The following UTP6 variants were observed in gnomAD, a reference collection of about 807,000 sequenced individuals.
UTP6 encodes U3 small nucleolar RNA-associated protein 6 homolog.
Under a neutral mutation model 96.5 loss-of-function variants are expected in UTP6, and 60 were observed. That is an observed-to-expected ratio of 0.62 (90% CI 0.51 to 0.77). The LOEUF (loss-of-function observed/expected upper bound fraction) is 0.77. Among genes scored for constraint, UTP6 ranks in the 30% least tolerant of loss-of-function variants. UTP6 has a pLI of 0.00. For missense variants in UTP6, 637 were observed against 706.5 expected, an observed-to-expected ratio of 0.90 and a Z score of 1.12; for synonymous variants, 215 against 240.1, an observed-to-expected ratio of 0.90 and a Z score of 0.96.
chr17:31,872,143 C>T (rs745364747), intron 16 of UTP6, among the ~76,000 whole-genome samples: 10 of 149,452 alleles, frequency 6.7e-5, no homozygotes, highest in Admixed American at 6.0e-4. Flanking sequence ...TGCAGTGAGC[C>T]GAGACTGTAC....
Position 31,875,257 on chromosome 17 carries a change from C to T in UTP6, c.1282G>A (p.Ala428Thr). The T allele has an allele frequency of 3.1e-6, 5 of 1,614,064 alleles. No individual in the cohort carries two copies. Among genetic ancestry groups the T allele is most frequent in the Non-Finnish European group, 4.2e-6 (5 of 1,180,006 alleles). Residue 428 changes from alanine to threonine, a missense_variant, in exon 14 of 19, where the codon GCC becomes ACC. Coordinates refer to ENST00000261708, the MANE Select transcript of UTP6 (RefSeq NM_018428.3). ...ACCTGGGGTTTCAGGTGCACAAAGG[C>T]TTCTTCAAAAAGCATGGCTATGTCA... is the stretch of plus-strand genomic sequence containing the variant. The part of the protein sequence containing the change: ...SPDIAMLFEE[A>T]FVHLKPQVCL...
rs1401672977 is a variant in UTP6 at position 31,901,566 on chromosome 17, C to T, written c.62G>A (p.Arg21His). ...DRLPELEQLE[R>H]IGLFSHAEIK... ...CTCCGCATGACTGAACAGTCCAATG[C>T]GCTCCAGCTGTTCCAATTCCGGGAG... The change falls in exon 1 of 19, where the codon CGC becomes CAC. Residue 21 changes from arginine to histidine, a missense_variant. Physicochemically the swap from Arg to His is conservative, Grantham distance 29. Coordinates refer to ENST00000261708, the MANE Select transcript of UTP6 (RefSeq NM_018428.3). The T allele has an allele frequency of 1.2e-6, 2 of 1,614,054 alleles. No individual in the cohort carries two copies. Among genetic ancestry groups the T allele is most frequent in the South Asian group, 2.2e-5 (2 of 91,078 alleles).
At chr17:31,889,701 T>C (rs945271471) in intron 6 of UTP6, among the ~76,000 whole-genome samples, 10 of 151,960 alleles carry the variant, frequency 6.6e-5, no homozygotes, top group Non-Finnish European at 1.5e-4. Context: ...GGTTTCACCA[T>C]GTTAGCCAGG....
chr17:31,893,983 T>C (rs1307242091), intron 4 of UTP6, among the ~76,000 whole-genome samples: 1 of 151,622 alleles, frequency 6.6e-6, no homozygotes, highest in Non-Finnish European at 1.5e-5. Flanking sequence ...ATACTTCTCA[T>C]ATAATATACC....
rs188430855 is a variant in UTP6, at chr17:31,892,139, G to A, written c.424+121C>T. On this transcript the variant is annotated intron_variant, in intron 6 of 18. Transcript: ENST00000261708. ...GCTATTCAGTAAGAAAAACTGCTGAGGCCAACTGCCTAAGCTCAAGTCCTC... is the reference window on the plus strand; with the variant it reads ...GCTATTCAGTAAGAAAAACTGCTGAAGCCAACTGCCTAAGCTCAAGTCCTC... 64 of 1,057,484 alleles carry A rather than the reference G, an allele frequency of 6.1e-5. 1 individual carries two copies. The East Asian group carries it at 1.6e-3, about 26-fold the overall frequency. 65.5% of individuals were successfully genotyped at this position (1,057,484 alleles called of 1,614,324 possible).
chr17:31,884,325 G>T, intron 10 of UTP6, 99 bp downstream of exon 10: 2 of 944,184 alleles, frequency 2.1e-6, no homozygotes, highest in Non-Finnish European at 3.1e-6. Flanking sequence ...CAGGGATTTA[G>T]TGTGGTATCT....
intron 1 of UTP6, 83 bp downstream of exon 1, chr17:31,901,453 G>A: frequency 1.6e-6 from 2 of 1,276,874 alleles, no homozygotes; most frequent in Non-Finnish European, 2.3e-6. Context: ...CAGGTCGAGC[G>A]TCCCCACATC....
At chr17:31,886,285 G>A (rs1245203851) in intron 8 of UTP6, among the ~76,000 whole-genome samples, 1 of 152,124 alleles carries the variant, frequency 6.6e-6, no homozygotes, top group Non-Finnish European at 1.5e-5. Flanking sequence ...AGATCACATG[G>A]CTTAAGGCCT....
chr17:31,897,669 G>A (rs569654191), intron 2 of UTP6, among the ~76,000 whole-genome samples: 6 of 151,888 alleles, frequency 4.0e-5, no homozygotes, highest in African/African-American at 1.4e-4. Context: ...GGCTGGTCTC[G>A]AACTCCTGAC....
rs1291340231 is a variant in UTP6 at position 31,901,582 on chromosome 17, A to G, written c.46T>C (p.Leu16=). The change falls in exon 1 of 19, where the codon TTG becomes CTG. Residue 16 remains leucine, a synonymous_variant. Coordinates refer to ENST00000261708, the MANE Select transcript of UTP6 (RefSeq NM_018428.3). ...AGTCCAATGCGCTCCAGCTGTTCCA[A>G]TTCCGGGAGCCGATCTTCTATGCGT... ...QERIEDRLPE[L]EQLERIGLFS... 5 of 1,613,922 alleles carry G rather than the reference A, an allele frequency of 3.1e-6. No homozygotes were observed. The South Asian group carries it at 4.4e-5, about 14-fold the overall frequency.
chr17:31,894,705 A>C lies in UTP6; in HGVS notation c.252T>G (p.Ile84Met). Residue 84 changes from isoleucine to methionine, a missense_variant, in exon 4 of 19, where the codon ATT becomes ATG. Coordinates refer to ENST00000261708, the MANE Select transcript of UTP6 (RefSeq NM_018428.3). ...GTACCCGGTGTACAATAGAATTCTC[A>C]ATCTCATCCTTCTTAAATGAATATC... ...RIGYSFKKDE[I>M]ENSIVHRVQG... 1.2e-6 allele frequency: 2 copies of C among 1,611,590 alleles called. No homozygotes were observed. The highest frequency in any genetic ancestry group is 1.7e-5 in the Admixed American group (1 of 59,726).
rs892938395 is a variant in UTP6 at position 31,881,062 on chromosome 17, G to A, written c.786-308C>T. On this transcript the variant is annotated intron_variant, in intron 10 of 18. Transcript: ENST00000261708. ...ATGATGGCATGTGACTGTAGTCCCA[G>A]CTACTAGAGAGGCTGAGACAGGAGA... Among the ~76,000 whole-genome samples the A allele has an allele frequency of 2.0e-5, 3 of 151,966 alleles. No individual in the cohort carries two copies. The East Asian group carries it at 5.8e-4, about 30-fold the overall frequency.
chr17:31,888,541 T>C (rs1173637557), intron 7 of UTP6, among the ~76,000 whole-genome samples: 1 of 152,104 alleles, frequency 6.6e-6, no homozygotes, highest in Non-Finnish European at 1.5e-5. Flanking sequence ...AAACTCCATC[T>C]CTACTAAAAA....
Position 31,861,585 on chromosome 17 carries a change from A to G in UTP6, c.*1774T>C, listed in dbSNP as rs952905522. The G allele has an allele frequency of 6.6e-6, 1 of 152,146 alleles. No individual in the cohort carries two copies. The highest frequency in any genetic ancestry group is 1.5e-5 in the Non-Finnish European group (1 of 68,044). The allele number at this position is 152,146 out of a possible 1,614,324, so 9.4% of individuals were successfully genotyped here. On this transcript the variant is annotated 3_prime_UTR_variant, in exon 19 of 19. Transcript: ENST00000261708. The stretch of plus-strand genomic sequence containing the variant: ...AGCCATGATCACACCACTGCACTCT[A>G]GCCTAGGTGACAAAGCAAGAACTTG...
Position 31,900,323 on chromosome 17 carries a change from G to A in UTP6, c.93-593C>T, listed in dbSNP as rs568461533. Among the ~76,000 whole-genome samples the A allele has an allele frequency of 2.4e-3, 357 of 151,456 alleles. 1 individual carries two copies. The highest frequency in any genetic ancestry group is 7.3e-3 in the African/African-American group (301 of 41,324). ...TGTTTTTTTTGTTTGTTTTTTTCTCGCTCTGTCGCCCAGGCTGGAGTGCAG... is the reference window on the plus strand; with the variant it reads ...TGTTTTTTTTGTTTGTTTTTTTCTCACTCTGTCGCCCAGGCTGGAGTGCAG... On this transcript the variant is annotated intron_variant, in intron 1 of 18. Transcript: ENST00000261708.
At chr17:31,896,531 C>CTTTATATATGTGTATATGT (rs1247812894) in intron 2 of UTP6, among the ~76,000 whole-genome samples, 1 of 152,040 alleles carries the variant, frequency 6.6e-6, no homozygotes. Context: ...TCTCGATTTA[C>CTTTATATATGTGTATATGT]AGTTCTTTAT....
intron 6 of UTP6, among the ~76,000 whole-genome samples, chr17:31,890,512 G>A (rs1020350493): frequency 2.0e-5 from 3 of 151,468 alleles, no homozygotes; most frequent in Non-Finnish European, 2.9e-5. Context: ...CAGCTATTAC[G>A]GAGACTGAGG....
chr17:31,900,027 C>T (rs963152239), intron 1 of UTP6, among the ~76,000 whole-genome samples: 4 of 151,790 alleles, frequency 2.6e-5, no homozygotes, highest in African/African-American at 9.7e-5. Flanking sequence ...GCCTGTAGTC[C>T]CAGCTACTCG....
In UTP6 at chr17:31,861,907, G is replaced by A. The variant is rs1909572951; in HGVS notation, c.*1452C>T. 1 of 152,112 alleles carries A rather than the reference G, an allele frequency of 6.6e-6. No individual in the cohort carries two copies. Among genetic ancestry groups the A allele is most frequent in the Admixed American group, 6.6e-5 (1 of 15,246 alleles). 9.4% of individuals were successfully genotyped at this position (152,112 alleles called of 1,614,324 possible). A position where few individuals can be genotyped will look rare whatever the true frequency, so the allele number is the denominator to read the frequency against. ...CCTTTGATCCAGTAATTCCACTGTC[G>A]GATGTCAATCTCCTAAGGAAATGGC... On this transcript the variant is annotated 3_prime_UTR_variant, in exon 19 of 19. Transcript: ENST00000261708.
Sources: allele counts gnomAD v4.1 joint callset (sites outside exome capture counted in the v4.1 genomes callset), GRCh38; gene constraint gnomAD v4.1.1; transcripts MANE v1.5; gene names NCBI Gene and HGNC (gene_info 2026-07-23, HGNC 2026-07-21).